The following GIT2 variants were observed in gnomAD, a reference collection of about 807,000 sequenced individuals.
The protein encoded by GIT2 is ARF GTPase-activating protein GIT2.
In GIT2, 32 loss-of-function variants were observed where a neutral mutation model predicts 100.3. The ratio of observed to expected loss-of-function variants is 0.32; its 90% CI spans 0.24 to 0.43. GIT2 has a LOEUF of 0.43. Among genes scored for constraint, GIT2 ranks in the 20% least tolerant of loss-of-function variants. GIT2 has a pLI of 1.00. For missense variants in GIT2, 737 were observed against 975.1 expected, an observed-to-expected ratio of 0.76 and a Z score of 3.25; for synonymous variants, 353 against 364.1, an observed-to-expected ratio of 0.97 and a Z score of 0.35.
intron 4 of GIT2, chr12:109,983,956 G>T: frequency 2.4e-6 from 1 of 420,744 alleles, no homozygotes. Flanking sequence ...CTAAGAAGTG[G>T]CACAACCAGA....
intron 13 of GIT2, chr12:109,952,766 G>A (rs3782892): frequency 2.8e-4 from 129 of 454,616 alleles, no homozygotes; most frequent in African/African-American, 1.8e-3. Flanking sequence ...TGCCTTCTCC[G>A]CAGTTCTCTC....
intron 18 of GIT2, among the ~76,000 whole-genome samples, chr12:109,936,641 G>T (rs1873078725): frequency 6.6e-6 from 1 of 152,188 alleles, no homozygotes; most frequent in African/African-American, 2.4e-5. Context: ...GCTGAGGCGG[G>T]TAGATCACTT....
At chr12:109,998,692 T>A (rs1188143203), upstream of GIT2, 1 of 152,190 alleles carries the variant, frequency 6.6e-6, no homozygotes, top group Non-Finnish European at 1.5e-5. Context: ...ATGGACTAAA[T>A]CACCACCATA....
chr12:109,937,366 C>T (rs926906240), intron 18 of GIT2, among the ~76,000 whole-genome samples: 6 of 152,138 alleles, frequency 3.9e-5, no homozygotes, highest in African/African-American at 1.4e-4. Flanking sequence ...ATACTTTTTG[C>T]TCGTGCAAGG....
intron 14 of GIT2, among the ~76,000 whole-genome samples, chr12:109,950,390 T>A (rs1445085679): frequency 6.6e-6 from 1 of 152,242 alleles, no homozygotes; most frequent in Non-Finnish European, 1.5e-5. Context: ...TAGAGCTGAA[T>A]GATGAGTGAT....
At chr12:109,989,630 C>A in intron 3 of GIT2, 60 bp downstream of exon 3, 1 of 956,782 alleles carries the variant, frequency 1.0e-6, no homozygotes, top group Non-Finnish European at 1.7e-6. Context: ...TAGCTGCACT[C>A]CTTTCAGTGG....
intron 4 of GIT2, among the ~76,000 whole-genome samples, chr12:109,987,399 T>A (rs1005373571): frequency 5.4e-5 from 8 of 149,410 alleles, no homozygotes; most frequent in African/African-American, 1.0e-4. Context: ...TAAATAAAAA[T>A]AAATAAATAA....
At chr12:109,983,783 T>G (rs1269365058) in intron 4 of GIT2, 89 bp from the exon 5 acceptor site, 6 of 774,570 alleles carry the variant, frequency 7.7e-6, no homozygotes, top group Non-Finnish European at 1.3e-5. Context: ...TTAATATATG[T>G]TACATCAGTA....
chr12:109,964,523 G>A lies in GIT2; in HGVS notation c.816+1003C>T, dbSNP rs142609307. On this transcript the variant is annotated intron_variant, in intron 9 of 19. Transcript: ENST00000355312. Reference sequence around the variant, plus strand: ...AGATTTCAGGTCCTTGAATCAGAGAGATGGAAGCTGGGAAAGGCAAACGCT... The same window carrying A: ...AGATTTCAGGTCCTTGAATCAGAGAAATGGAAGCTGGGAAAGGCAAACGCT... Among the ~76,000 whole-genome samples, 100 of 152,092 alleles carry A rather than the reference G, an allele frequency of 6.6e-4. 1 individual carries two copies. The East Asian group carries it at 0.015, about 23-fold the overall frequency.
chr12:109,995,453 T>G (rs1030181245), intron 1 of GIT2, among the ~76,000 whole-genome samples: 1 of 152,170 alleles, frequency 6.6e-6, no homozygotes, highest in Non-Finnish European at 1.5e-5. Flanking sequence ...CTACGAGTAT[T>G]CATTGAATCT....
chr12:109,970,580 T>C (rs963552879), intron 7 of GIT2, among the ~76,000 whole-genome samples: 2 of 152,218 alleles, frequency 1.3e-5, no homozygotes, highest in Admixed American at 6.5e-5. Flanking sequence ...CAAAAATCAA[T>C]TGAACATATT....
At chr12:109,983,551 G>A (rs1182601266) in intron 5 of GIT2, 48 bp from the exon 6 acceptor site, 1 of 1,599,124 alleles carries the variant, frequency 6.3e-7, no homozygotes, top group East Asian at 2.2e-5. Context: ...TTAAATAAAG[G>A]CTACATGAAC....
intron 12 of GIT2, among the ~76,000 whole-genome samples, chr12:109,954,798 C>A (rs1053372499): frequency 6.6e-6 from 1 of 151,582 alleles, no homozygotes; most frequent in Non-Finnish European, 1.5e-5. Context: ...ACTTGGGAGG[C>A]TGAGGCAGGA....
upstream of GIT2, chr12:109,997,292 T>A (rs1236633959): frequency 2.0e-5 from 3 of 149,984 alleles, no homozygotes; most frequent in Non-Finnish European, 4.4e-5. Context: ...GGCATGAGAA[T>A]CGCTTGAGCC....
chr12:109,959,788 C>T, intron 12 of GIT2, 59 bp downstream of exon 12: 2 of 972,816 alleles, frequency 2.1e-6, no homozygotes, highest in South Asian at 2.6e-5. Flanking sequence ...ATAACTTTAA[C>T]ACCTGAGTCA....
In GIT2 at chr12:109,951,305, T is replaced by G. The variant is rs1458990223; in HGVS notation, c.1254A>C (p.Ser418=). 1 of 1,610,930 alleles carries G rather than the reference T, an allele frequency of 6.2e-7. No individual in the cohort carries two copies. ...SKTNRQKSLD[S]DLSDGPVTVQ... ...CAGTGACTGGTCCATCTGATAAATC[T>G]GAATCTAGGCTCTAAAAATAAATTG... The change falls in exon 14 of 20, where the codon TCA becomes TCC. Residue 418 remains serine, a synonymous_variant. Transcript: ENST00000355312.
chr12:109,993,214 C>T (rs1322770936), intron 1 of GIT2, among the ~76,000 whole-genome samples: 34 of 152,024 alleles, frequency 2.2e-4, no homozygotes, highest in Admixed American at 2.2e-3. Context: ...AAACTGAATA[C>T]CTAGAAACCT....
At chr12:109,987,748 G>A (rs892247880) in intron 4 of GIT2, among the ~76,000 whole-genome samples, 14 of 152,164 alleles carry the variant, frequency 9.2e-5, no homozygotes, top group African/African-American at 1.2e-4. Flanking sequence ...GATTACAGGA[G>A]TGAGCCATCG....
At chr12:109,982,710 G>A (rs2338753) in intron 6 of GIT2, 29,224 of 148,064 alleles carry the variant, frequency 0.2, 3,254 homozygotes, top group Admixed American at 0.3. Flanking sequence ...GCATGGTCTC[G>A]GCTCACAGCA....
Sources: gnomAD v4.1 joint callset for allele counts (sites outside exome capture counted in the v4.1 genomes callset) on GRCh38, gnomAD v4.1.1 for gene constraint, MANE v1.5 for transcripts, NCBI Gene and HGNC (gene_info 2026-07-23, HGNC 2026-07-21) for gene names.